DRGX: variants seen among roughly 807,000 people sequenced by gnomAD.
The protein encoded by DRGX is dorsal root ganglia homeobox protein.
A neutral mutation model predicts 28.6 loss-of-function variants in DRGX; 21 were observed. The observed-to-expected ratio is 0.73, with a 90% confidence interval of 0.52 to 1.06. The LOEUF (loss-of-function observed/expected upper bound fraction) is 1.06. DRGX is among the 50% of genes least tolerant of loss of function. DRGX has a pLI of 0.00. For missense variants in DRGX, 354 were observed against 343.9 expected (o/e 1.03, Z -0.23); for synonymous variants, 136 against 139.1 (o/e 0.98, Z 0.16).
intron 2 of DRGX, among the ~76,000 whole-genome samples, chr10:49,395,054 T>G (rs1229915229): frequency 6.6e-6 from 1 of 152,234 alleles, no homozygotes; most frequent in Non-Finnish European, 1.5e-5. Flanking sequence ...TCTGGGATGT[T>G]TGCAGAAGCA....
At chr10:49,385,170 A>G (rs1005177217) in intron 6 of DRGX, among the ~76,000 whole-genome samples, 2 of 152,122 alleles carry the variant, frequency 1.3e-5, no homozygotes, top group African/African-American at 4.8e-5. Flanking sequence ...GGGGGCTTCT[A>G]TGTGGCCCCC....
intron 3 of DRGX, 97 bp downstream of exon 3, chr10:49,391,067 A>G (rs1849897786): frequency 7.7e-7 from 1 of 1,293,836 alleles, no homozygotes; most frequent in Non-Finnish European, 1.1e-6. Flanking sequence ...AGCATAATCA[A>G]TTGGTCTTAT....
intron 5 of DRGX, 28 bp from the exon 6 acceptor site, chr10:49,386,618 G>A: frequency 6.3e-7 from 1 of 1,592,028 alleles, no homozygotes; most frequent in Non-Finnish European, 8.6e-7. Context: ...TCATATTGAG[G>A]TCTCGCCCTG....
At chr10:49,391,066 A>G in intron 3 of DRGX, 98 bp downstream of exon 3, 1 of 1,290,482 alleles carries the variant, frequency 7.7e-7, no homozygotes, top group Non-Finnish European at 1.1e-6. Flanking sequence ...TAGCATAATC[A>G]ATTGGTCTTA....
At chr10:49,391,021 C>T (rs1322578797) in intron 3 of DRGX, 143 bp downstream of exon 3, 2 of 946,114 alleles carry the variant, frequency 2.1e-6, no homozygotes, top group African/African-American at 3.3e-5. Flanking sequence ...GATTCCATGG[C>T]ACATAAGTTG....
intron 6 of DRGX, among the ~76,000 whole-genome samples, chr10:49,374,461 C>T (rs1849696756): frequency 6.6e-6 from 1 of 152,210 alleles, no homozygotes; most frequent in Non-Finnish European, 1.5e-5. Flanking sequence ...TCCCTTCCTC[C>T]CCCTGGCAGG....
In DRGX at chr10:49,386,512, G is replaced by T. The variant is rs377612688; in HGVS notation, c.492C>A (p.Tyr164Ter). ...AAGCCACATGGGACAAGGCCTGGGCGTAGGTGGCCGTGTTCAGGAGAGTCC... is the reference window on the plus strand; with the variant it reads ...AAGCCACATGGGACAAGGCCTGGGCTTAGGTGGCCGTGTTCAGGAGAGTCC... ...LPGTLLNTAT[Y>*]AQALSHVASL... Residue 164 changes from tyrosine (Y) to a stop codon, truncating the protein, a stop_gained, in exon 6 of 7, where the codon TAC becomes TAA. Coordinates refer to ENST00000374139, the MANE Select transcript of DRGX (RefSeq NM_001276451.2). LOFTEE classifies it high-confidence loss of function. The T allele has an allele frequency of 5.7e-6, 9 of 1,585,898 alleles. No homozygotes were observed. The highest frequency in any genetic ancestry group is 1.3e-5 in the African/African-American group (1 of 74,314).
rs1331041951 is a variant in DRGX, at chr10:49,366,130, C to G, written c.778G>C (p.Glu260Gln). The change falls in exon 7 of 7, where the codon GAG (glutamate) becomes CAG (glutamine). Residue 260 changes from glutamate (E) to glutamine (Q), a missense_variant. Glu to Gln is a conservative substitution (Grantham distance 29, BLOSUM62 2). Coordinates refer to ENST00000374139, the MANE Select transcript of DRGX (RefSeq NM_001276451.2). ...ACTGTGGACCCTCATACACTCTTCT[C>G]TGCCTCGCTCTGTTCCTTGGTGGGA... Reference protein sequence around the residue: ...TSPTKEQSEAEKSV With the variant: ...TSPTKEQSEAQKSV The G allele has an allele frequency of 1.4e-5, 23 of 1,592,144 alleles. No individual in the cohort carries two copies. Among genetic ancestry groups the G allele is most frequent in the Non-Finnish European group, 1.6e-5 (19 of 1,167,236 alleles).
chr10:49,386,783 C>T lies in DRGX; in HGVS notation c.310G>A (p.Glu104Lys). The T allele has an allele frequency of 6.2e-7, 1 of 1,609,862 alleles. No individual in the cohort carries two copies. The highest frequency in any genetic ancestry group is 8.5e-7 in the Non-Finnish European group (1 of 1,178,084). Residue 104 changes from glutamate (E) to lysine (K), a missense_variant, in exon 5 of 7, where the codon GAG (glutamate) becomes AAG (lysine). Transcript: ENST00000374139. Reference sequence around the variant, plus strand: ...GGAGGTGTCACCTCTGCCATGGGCTCCTTGGCTCCTGGCTCCTGGTCTGAG... The same window carrying T: ...GGAGGTGTCACCTCTGCCATGGGCTTCTTGGCTCCTGGCTCCTGGTCTGAG... ...GASDQEPGAK[E>K]PMAEVTPPPV...
At chr10:49,391,598 C>T (rs143187273) in intron 2 of DRGX, among the ~76,000 whole-genome samples, 37 of 152,318 alleles carry the variant, frequency 2.4e-4, no homozygotes, top group African/African-American at 8.7e-4. Flanking sequence ...CCCAGCTCCA[C>T]CCCTGTTCAA....
In DRGX at chr10:49,386,826, C is replaced by T; in HGVS notation, c.267G>A (p.Arg89=). 1 of 1,586,742 alleles carries T rather than the reference C, an allele frequency of 6.3e-7. No homozygotes were observed. The change falls in exon 5 of 7, where the codon AGG becomes AGA. Residue 89 remains arginine, a synonymous_variant. Coordinates refer to ENST00000374139, the MANE Select transcript of DRGX (RefSeq NM_001276451.2). ...VWFQNRRAKW[R]KTERGASDQE... ...GGTCTGAGGCCCCTCTCTCTGTCTT[C>T]CTCCATTTGGCCCTTCTGTTCTGGA...
At chr10:49,389,336 A>G (rs1000909349) in intron 4 of DRGX, among the ~76,000 whole-genome samples, 5 of 152,186 alleles carry the variant, frequency 3.3e-5, no homozygotes, top group East Asian at 1.9e-4. Flanking sequence ...ATTTCCTACA[A>G]TTAGATCTTT....
chr10:49,395,593 C>A, intron 1 of DRGX, 72 bp from the exon 2 acceptor site: 2 of 866,008 alleles, frequency 2.3e-6, no homozygotes, highest in South Asian at 1.6e-5. Flanking sequence ...AGGGCGCACC[C>A]GGCGCTCCCC....
chr10:49,386,919 C>G, intron 4 of DRGX, 61 bp from the exon 5 acceptor site: 1 of 1,491,364 alleles, frequency 6.7e-7, no homozygotes, highest in Non-Finnish European at 8.9e-7. Context: ...AAGCCAGAAC[C>G]CTGGACCCAG....
In DRGX at chr10:49,390,104, A is replaced by C. The variant is rs1436593285; in HGVS notation, c.234+29T>G. 1.9e-6 allele frequency: 3 copies of C among 1,565,186 alleles called. No individual in the cohort carries two copies. The East Asian group carries it at 7.0e-5, about 37-fold the overall frequency. ...AAAAGTTTGCCAGTTTTAATATTAG[A>C]GAGTTAAATAATTAAAAAGAAGGTT... On this transcript the variant is annotated intron_variant, in intron 4 of 6. Coordinates refer to ENST00000374139, the MANE Select transcript of DRGX (RefSeq NM_001276451.2).
intron 6 of DRGX, among the ~76,000 whole-genome samples, chr10:49,377,064 G>A (rs985678190): frequency 2.0e-5 from 3 of 152,206 alleles, no homozygotes; most frequent in African/African-American, 7.2e-5. Context: ...AGTGGGTGCT[G>A]AATGAAGAAC....
chr10:49,395,575 C>A, intron 1 of DRGX, 54 bp from the exon 2 acceptor site: 1 of 1,124,886 alleles, frequency 8.9e-7, no homozygotes, highest in Non-Finnish European at 1.3e-6. Context: ...GCGCTCCCGC[C>A]CAGCCCTAGG....
chr10:49,379,243 G>A (rs1427408808), intron 6 of DRGX, among the ~76,000 whole-genome samples: 1 of 152,186 alleles, frequency 6.6e-6, no homozygotes, highest in Non-Finnish European at 1.5e-5. Flanking sequence ...CAGCAGAGCG[G>A]TGTCTTTTGC....
At chr10:49,381,153 C>T (rs1010733230) in intron 6 of DRGX, among the ~76,000 whole-genome samples, 15 of 152,224 alleles carry the variant, frequency 9.9e-5, no homozygotes, top group African/African-American at 3.1e-4. Flanking sequence ...AGAAAATCCC[C>T]GCAAGAGCCT....
Sources: allele counts gnomAD v4.1 joint callset (sites outside exome capture counted in the v4.1 genomes callset), GRCh38; gene constraint gnomAD v4.1.1; transcripts MANE v1.5; gene names NCBI Gene and HGNC (gene_info 2026-07-23, HGNC 2026-07-21).